ASTL: variants seen among roughly 807,000 people sequenced by gnomAD.
The protein encoded by ASTL is astacin like metalloendopeptidase.
In ASTL, 27 loss-of-function variants were observed where a neutral mutation model predicts 36.7. The observed-to-expected ratio is 0.73, with a 90% CI of 0.54 to 1.01. The LOEUF (loss-of-function observed/expected upper bound fraction) is 1.01, where lower values mean the gene tolerates loss of function less well. Among genes scored for constraint, ASTL ranks in the 50% least tolerant of loss-of-function variants. ASTL has a pLI of 0.00. For missense variants in ASTL, 524 were observed against 572.8 expected, an observed-to-expected ratio of 0.91 and a Z score of 0.87; for synonymous variants, 222 against 228.1, an observed-to-expected ratio of 0.97 and a Z score of 0.24.
intron 4 of ASTL, 43 bp from the exon 5 acceptor site, chr2:96,133,585 CT>C: frequency 7.2e-7 from 1 of 1,390,978 alleles, no homozygotes; most frequent in Non-Finnish European, 1.0e-6. Context: ...CCCTGGTGGT[CT>C]TTGAGCTCTA....
At position 96,133,836 on chromosome 2, in the gene ASTL, G is replaced by A. The variant is rs544345403; in HGVS notation, c.337+129C>T. Reference sequence around the variant, plus strand: ...GACCTTCAGCAACAGAAGGGCATCTGTGGACAGGTTCTTCGGGTGGGGAGG... The same window carrying A: ...GACCTTCAGCAACAGAAGGGCATCTATGGACAGGTTCTTCGGGTGGGGAGG... On this transcript the variant is annotated intron_variant, in intron 4 of 8. Coordinates refer to ENST00000342380, the MANE Select transcript of ASTL (RefSeq NM_001002036.4). 9 of 720,930 alleles carry A rather than the reference G, an allele frequency of 1.2e-5. No individual in the cohort carries two copies. In the African/African-American group the frequency reaches 1.4e-4, roughly 11 times the overall value. The allele number at this position is 720,930 out of a possible 1,614,324, so 44.7% of individuals were successfully genotyped here.
At chr2:96,126,647 G>A (rs566898734) in intron 8 of ASTL, among the ~76,000 whole-genome samples, 2 of 152,284 alleles carry the variant, frequency 1.3e-5, no homozygotes, top group Admixed American at 1.3e-4. Flanking sequence ...CACGAGGTCA[G>A]GAGTTCGAGA....
At chr2:96,125,868 A>C (rs1411403382) in intron 8 of ASTL, among the ~76,000 whole-genome samples, 2 of 152,152 alleles carry the variant, frequency 1.3e-5, no homozygotes, top group Admixed American at 6.5e-5. Context: ...CCATCTCAAC[A>C]AAAGAAATTA....
intron 8 of ASTL, among the ~76,000 whole-genome samples, chr2:96,127,464 G>A (rs1243790071): frequency 6.6e-6 from 1 of 152,216 alleles, no homozygotes; most frequent in Admixed American, 6.5e-5. Flanking sequence ...AGTGGCTATA[G>A]AATGGTATTG....
chr2:96,133,633 C>T (rs1175166393), intron 4 of ASTL, 91 bp from the exon 5 acceptor site: 7 of 930,842 alleles, frequency 7.5e-6, no homozygotes, highest in African/African-American at 1.6e-5. Flanking sequence ...AACTCACTCT[C>T]CCAAAATAGC....
chr2:96,123,806 T>C lies in ASTL; in HGVS notation c.*44A>G, dbSNP rs1348765793. Reference sequence around the variant, plus strand: ...CAAGAGGTAGACGACCCAGCTCCACTGGGCAGAGGATGCCCTCCCTACTTG... The same window carrying C: ...CAAGAGGTAGACGACCCAGCTCCACCGGGCAGAGGATGCCCTCCCTACTTG... On this transcript the variant is annotated 3_prime_UTR_variant, in exon 9 of 9. Coordinates refer to ENST00000342380, the MANE Select transcript of ASTL (RefSeq NM_001002036.4). The C allele has an allele frequency of 6.4e-7, 1 of 1,556,198 alleles. No homozygotes were observed. Among genetic ancestry groups the C allele is most frequent in the Non-Finnish European group, 8.8e-7 (1 of 1,139,890 alleles).
At position 96,132,651 on chromosome 2, in the gene ASTL, C is replaced by A. The variant is rs1419306584; in HGVS notation, c.526G>T (p.Gly176Cys). 6.2e-7 allele frequency: 1 copy of A among 1,613,610 alleles called. No individual in the cohort carries two copies. Among genetic ancestry groups the A allele is most frequent in the South Asian group, 1.1e-5 (1 of 91,084 alleles). The change falls in exon 6 of 9, where the codon GGC becomes TGC. Residue 176 changes from glycine (G) to cysteine (C), a missense_variant. By Grantham distance (159) the Gly-to-Cys change is radical (BLOSUM62 -3). Coordinates refer to ENST00000342380, the MANE Select transcript of ASTL (RefSeq NM_001002036.4). This position sits in a 1 kb window ranked among gnomAD's most constrained non-coding sequence, Gnocchi z 5.4. ...VSLAPTCLQK[G>C]RGIVLHELMH... The stretch of plus-strand genomic sequence containing the variant: ...AGCTCATGAAGGACAATGCCCCGGC[C>A]CTTCTGGAGACACGTGGGCGCCAGG...
intron 6 of ASTL, among the ~76,000 whole-genome samples, chr2:96,131,954 G>A (rs758678970): frequency 6.6e-5 from 10 of 152,200 alleles, no homozygotes; most frequent in South Asian, 2.1e-4. Flanking sequence ...CCACACAGCC[G>A]CTGCCAGCAC....
intron 6 of ASTL, among the ~76,000 whole-genome samples, chr2:96,130,933 T>C (rs1312992077): frequency 1.3e-5 from 2 of 152,246 alleles, no homozygotes; most frequent in Admixed American, 6.5e-5. Context: ...TTCCATCCCC[T>C]GCTTCCTGAG....
chr2:96,130,268 C>T (rs560015533), intron 6 of ASTL, 123 bp from the exon 7 acceptor site: 6 of 742,012 alleles, frequency 8.1e-6, no homozygotes, highest in Non-Finnish European at 1.4e-5. Context: ...GCTGAGCCCA[C>T]AGCCACCATG....
intron 5 of ASTL, 52 bp downstream of exon 5, chr2:96,133,373 C>T (rs1458938646): frequency 4.0e-6 from 5 of 1,246,456 alleles, no homozygotes; most frequent in Middle Eastern, 1.9e-4. Context: ...AAGTTAATTC[C>T]GGGCTGAACG....
At position 96,137,568 on chromosome 2, in the gene ASTL, C is replaced by T. The variant is rs772035210; in HGVS notation, c.181+7G>A. 3.7e-6 allele frequency: 6 copies of T among 1,613,052 alleles called. No individual in the cohort carries two copies. Among genetic ancestry groups the T allele is most frequent in the African/African-American group, 2.7e-5 (2 of 74,904 alleles). On this transcript the variant is annotated splice_region_variant and intron_variant, in intron 2 of 8. Transcript: ENST00000342380. ...CTCCAGGCCGTGAGAAGATGTAGTG[C>T]CCTCACCTTGGTTAATTGCAGGAAT...
chr2:96,125,905 C>T lies in ASTL; in HGVS notation c.875-1634G>A, dbSNP rs79338602. ...GCACAAATTTCTCACCACATCTGTC[C>T]TTTAGGGATTTTTTTTTTTAGATGT... On this transcript the variant is annotated intron_variant, in intron 8 of 8. Coordinates refer to ENST00000342380, the MANE Select transcript of ASTL (RefSeq NM_001002036.4). Among the ~76,000 whole-genome samples, 949 of 152,130 alleles carry T rather than the reference C, an allele frequency of 6.2e-3. 5 individuals are homozygous for T. Among genetic ancestry groups the T allele is most frequent in the Admixed American group, 0.011 (163 of 15,278 alleles).
At chr2:96,128,098 G>C (rs1682099186) in intron 8 of ASTL, among the ~76,000 whole-genome samples, 1 of 135,870 alleles carries the variant, frequency 7.4e-6, no homozygotes, top group African/African-American at 2.5e-5. Flanking sequence ...CAGGCATGGT[G>C]GTGCGTGACT....
In ASTL at chr2:96,124,550, A is replaced by T. The variant is rs1020278025; in HGVS notation, c.875-279T>A. Among the ~76,000 whole-genome samples, 1 of 151,968 alleles carries T rather than the reference A, an allele frequency of 6.6e-6. No individual in the cohort carries two copies. Among genetic ancestry groups the T allele is most frequent in the Admixed American group, 6.5e-5 (1 of 15,268 alleles). On this transcript the variant is annotated intron_variant, in intron 8 of 8. Transcript: ENST00000342380. The surrounding 1 kb of genome is among the most constrained non-coding windows in gnomAD (Gnocchi z 4.1). ...CCGAGACTGCTGGGACACTTAAGTC[A>T]CCTGACCCAGCACCAAAGCGCCCAC...
intron 8 of ASTL, 40 bp downstream of exon 8, chr2:96,129,784 C>CT: frequency 6.6e-7 from 1 of 1,507,656 alleles, no homozygotes; most frequent in Non-Finnish European, 8.9e-7. Flanking sequence ...GCACAGGCGC[C>CT]TTCTCCAGGT....
At chr2:96,128,995 G>T (rs1005780351) in intron 8 of ASTL, among the ~76,000 whole-genome samples, 1 of 151,362 alleles carries the variant, frequency 6.6e-6, no homozygotes, top group African/African-American at 2.4e-5. Flanking sequence ...AGCCGAGATT[G>T]TGCCACTGCA....
At chr2:96,137,909 C>A (rs977484292) in intron 1 of ASTL, 5 of 550,382 alleles carry the variant, frequency 9.1e-6, no homozygotes, top group Non-Finnish European at 1.6e-5. Context: ...GGAAGGAGCT[C>A]CCTTAGGGGG....
chr2:96,130,238 T>G, intron 6 of ASTL, 93 bp from the exon 7 acceptor site: 1 of 977,726 alleles, frequency 1.0e-6, no homozygotes. Flanking sequence ...TGGGAGCTCA[T>G]AACTCACCCA....
Sources: gnomAD v4.1 joint callset for allele counts (sites outside exome capture counted in the v4.1 genomes callset) on GRCh38, gnomAD v4.1.1 for gene constraint, Gnocchi (gnomAD v3.1) non-coding constraint, MANE v1.5 for transcripts, NCBI Gene and HGNC (gene_info 2026-07-23, HGNC 2026-07-21) for gene names.